SRI: variants seen among roughly 807,000 people sequenced by gnomAD.
SRI encodes 22 kDa protein.
Under a neutral mutation model 33.3 loss-of-function variants are expected in SRI, and 30 were observed. The ratio of observed to expected loss-of-function variants is 0.90; its 90% CI spans 0.67 to 1.22. The LOEUF (loss-of-function observed/expected upper bound fraction) is 1.22, where lower values mean the gene tolerates loss of function less well. Ranked by LOEUF, SRI falls within the 50% of genes most tolerant of loss-of-function variation. The pLI, the probability that SRI is intolerant of heterozygous loss-of-function variation, is 0.00. For missense variants in SRI, 243 were observed against 250.8 expected (o/e 0.97, Z 0.21); for synonymous variants, 75 against 89.9 (o/e 0.83, Z 0.94).
At chr7:88,225,655 A>T (rs1478029791) in intron 1 of SRI, among the ~76,000 whole-genome samples, 1 of 152,210 alleles carries the variant, frequency 6.6e-6, no homozygotes, top group Non-Finnish European at 1.5e-5. Context: ...TTATCTTGTC[A>T]CTTCAGATCT....
intron 3 of SRI, among the ~76,000 whole-genome samples, chr7:88,211,788 C>G (rs546760053): frequency 1.3e-5 from 2 of 152,206 alleles, no homozygotes; most frequent in Admixed American, 1.3e-4. Flanking sequence ...CTAGATAAGA[C>G]CCCATGACCA....
At position 88,217,190 on chromosome 7, in the gene SRI, T is replaced by C. The variant is rs373729773; in HGVS notation, c.137A>G (p.Asp46Gly). 1.8e-5 allele frequency: 29 copies of C among 1,612,140 alleles called. No individual in the cohort carries two copies. Among genetic ancestry groups the C allele is most frequent in the Non-Finnish European group, 2.1e-5 (25 of 1,179,788 alleles). The change falls in exon 3 of 8, where the codon GAT becomes GGT. Residue 46 changes from aspartate (D) to glycine (G), a missense_variant and splice_region_variant. Physicochemically the swap from Asp to Gly is moderately conservative, Grantham distance 94 (BLOSUM62 -1). Coordinates refer to ENST00000265729, the MANE Select transcript of SRI (RefSeq NM_003130.4). Reference protein sequence around the residue: ...YGYFAAVAGQDGQIDADELQR... With the variant: ...YGYFAAVAGQGGQIDADELQR... ...CAATTCATCAGCATCTATCTGCCCATCCTTTTGAAAAAAAATTAGAGGAAT... is the reference window on the plus strand; with the variant it reads ...CAATTCATCAGCATCTATCTGCCCACCCTTTTGAAAAAAAATTAGAGGAAT...
chr7:88,222,151 G>T (rs43105), upstream of SRI, among the ~76,000 whole-genome samples: 1 of 144,196 alleles, frequency 6.9e-6, no homozygotes, highest in Admixed American at 7.1e-5. Context: ...ATAAACATAC[G>T]TGTGCATGTG....
At chr7:88,209,553 AT>A in intron 5 of SRI, 101 bp from the exon 6 acceptor site, 1 of 826,812 alleles carries the variant, frequency 1.2e-6, no homozygotes. Context: ...CTGCAGACTC[AT>A]ATTAATTATG....
chr7:88,218,727 C>A, intron 2 of SRI, 132 bp downstream of exon 2: 2 of 771,824 alleles, frequency 2.6e-6, no homozygotes, highest in South Asian at 3.2e-5. Context: ...AAATAAGAAA[C>A]AACTTTTTTT....
chr7:88,221,884 T>C (rs993512298), upstream of SRI, among the ~76,000 whole-genome samples: 6 of 142,158 alleles, frequency 4.2e-5, no homozygotes, highest in African/African-American at 1.6e-4. Context: ...TTCCCCTTCC[T>C]GTGTCCATGT....
chr7:88,210,256 G>A, intron 4 of SRI, 126 bp from the exon 5 acceptor site: 1 of 1,149,720 alleles, frequency 8.7e-7, no homozygotes, highest in Non-Finnish European at 1.3e-6. Context: ...TTCTTGGTAT[G>A]ATGTAAAATT....
At chr7:88,216,551 C>T (rs1465620326) in intron 3 of SRI, 2 of 153,654 alleles carry the variant, frequency 1.3e-5, no homozygotes, top group Non-Finnish European at 2.9e-5. Context: ...GGCAGCAACT[C>T]AAAGCCCTAA....
rs1045455515 is a variant in SRI, at chr7:88,205,536, T to C, written c.*942A>G. The C allele has an allele frequency of 2.0e-5, 3 of 152,168 alleles. No individual in the cohort carries two copies. Among genetic ancestry groups the C allele is most frequent in the African/African-American group, 7.2e-5 (3 of 41,428 alleles). 9.4% of individuals were successfully genotyped at this position (152,168 alleles called of 1,614,324 possible). On this transcript the variant is annotated 3_prime_UTR_variant, in exon 8 of 8. Transcript: ENST00000265729. ...TTCCATTATAAATGTAGTACCTGCT[T>C]ACTGGAGAATGTTTGGAAAAGCAGT... is the stretch of plus-strand genomic sequence containing the variant.
At chr7:88,207,428 C>T (rs762768058) in intron 7 of SRI, among the ~76,000 whole-genome samples, 6 of 152,120 alleles carry the variant, frequency 3.9e-5, no homozygotes, top group Non-Finnish European at 7.4e-5. Context: ...AGCTGCTAAA[C>T]CAAAAATACA....
chr7:88,208,495 T>C lies in SRI; in HGVS notation c.570+12A>G. The C allele has an allele frequency of 6.2e-7, 1 of 1,613,750 alleles. No individual in the cohort carries two copies. The highest frequency in any genetic ancestry group is 8.5e-7 in the Non-Finnish European group (1 of 1,179,846). ...TTTTCATCTACTGTATCTCTTAATTTCTAAGACTTACATCATCATATGGGA... is the reference window on the plus strand; with the variant it reads ...TTTTCATCTACTGTATCTCTTAATTCCTAAGACTTACATCATCATATGGGA... On this transcript the variant is annotated intron_variant, in intron 7 of 7. Coordinates refer to ENST00000265729, the MANE Select transcript of SRI (RefSeq NM_003130.4).
intron 6 of SRI, 106 bp downstream of exon 6, chr7:88,209,233 G>A: frequency 1.0e-6 from 1 of 957,312 alleles, no homozygotes; most frequent in East Asian, 2.5e-5. Context: ...AACTACTAAA[G>A]CAAGAAAAAA....
chr7:88,223,203 T>A (rs1161924615), upstream of SRI, among the ~76,000 whole-genome samples: 1 of 152,136 alleles, frequency 6.6e-6, no homozygotes, highest in Admixed American at 6.5e-5. Flanking sequence ...CTGGAAAAAA[T>A]TGTGGCAACT....
intron 7 of SRI, among the ~76,000 whole-genome samples, chr7:88,207,096 A>T (rs1456613157): frequency 6.6e-6 from 1 of 152,234 alleles, no homozygotes; most frequent in Non-Finnish European, 1.5e-5. Flanking sequence ...ATTCTGCTCT[A>T]TCAGTGTTCC....
At chr7:88,213,178 T>C (rs1851621557) in intron 3 of SRI, among the ~76,000 whole-genome samples, 1 of 152,208 alleles carries the variant, frequency 6.6e-6, no homozygotes, top group South Asian at 2.1e-4. Flanking sequence ...AGCTCCCTAA[T>C]GGGCATCCCT....
chr7:88,215,188 T>C (rs1419018478), intron 3 of SRI, among the ~76,000 whole-genome samples: 6 of 152,216 alleles, frequency 3.9e-5, no homozygotes, highest in Non-Finnish European at 7.3e-5. Flanking sequence ...ATAGGCAGGA[T>C]GGTTCTGTGG....
chr7:88,224,653 A>AAGCC (rs1321281942), upstream of SRI, among the ~76,000 whole-genome samples: 6 of 151,528 alleles, frequency 4.0e-5, no homozygotes, highest in African/African-American at 1.5e-4. Context: ...TTGGGAATAA[A>AAGCC]AGCCACCCTT....
At position 88,208,510 on chromosome 7, in the gene SRI, A is replaced by G; in HGVS notation, c.567T>C (p.Asp189=). Residue 189 remains aspartate, a synonymous_variant, in exon 7 of 8, where the codon GAT becomes GAC. Transcript: ENST00000265729. The part of the protein sequence containing the change: ...AQQGVVNFPY[D]DFIQCVMSV ...TCTCTTAATTTCTAAGACTTACATC[A>G]TCATATGGGAAATTCACAACACCTT... 2.5e-6 allele frequency: 4 copies of G among 1,613,880 alleles called. No individual in the cohort carries two copies. In the East Asian group the frequency reaches 8.9e-5, roughly 36 times the overall value.
At chr7:88,217,957 C>A (rs1851774826) in intron 2 of SRI, among the ~76,000 whole-genome samples, 1 of 152,186 alleles carries the variant, frequency 6.6e-6, no homozygotes, top group African/African-American at 2.4e-5. Flanking sequence ...CAGTTTTAGA[C>A]TATATTTTCC....
Sources: allele counts gnomAD v4.1 joint callset (sites outside exome capture counted in the v4.1 genomes callset), GRCh38; gene constraint gnomAD v4.1.1; transcripts MANE v1.5; gene names NCBI Gene and HGNC (gene_info 2026-07-23, HGNC 2026-07-21).